DNAH8: variants seen among roughly 807,000 people sequenced by gnomAD.
DNAH8 encodes the protein axonemal beta dynein heavy chain 8.
Under a neutral mutation model 562.1 loss-of-function variants are expected in DNAH8, and 382 were observed. The ratio of observed to expected loss-of-function variants is 0.68; its 90% CI spans 0.63 to 0.74. The LOEUF (loss-of-function observed/expected upper bound fraction) is 0.74. Among genes scored for constraint, DNAH8 ranks in the 30% least tolerant of loss-of-function variants. DNAH8 has a pLI of 0.00. For missense variants in DNAH8, 5,203 were observed against 5,620.4 expected, an observed-to-expected ratio of 0.93 and a Z score of 2.37; for synonymous variants, 1,881 against 1,919.4, an observed-to-expected ratio of 0.98 and a Z score of 0.52.
In DNAH8 at chr6:38,850,207, A is replaced by G. The variant is rs112328866; in HGVS notation, c.5200-44A>G. On this transcript the variant is annotated intron_variant, in intron 37 of 92. Coordinates refer to ENST00000327475, the MANE Select transcript of DNAH8 (RefSeq NM_001206927.2). Reference sequence around the variant, plus strand: ...AAGGTGAAGACTTTGCTTTTTTTCAATTATCCAAATGCTAATCTTTACTGG... The same window carrying G: ...AAGGTGAAGACTTTGCTTTTTTTCAGTTATCCAAATGCTAATCTTTACTGG... 0.014 allele frequency: 21,966 copies of G among 1,576,490 alleles called. 212 individuals are homozygous for G. Among genetic ancestry groups the G allele is most frequent in the Middle Eastern group, 0.024 (140 of 5,840 alleles).
intron 1 of DNAH8, among the ~76,000 whole-genome samples, chr6:38,718,426 T>A (rs2127559333): frequency 6.6e-6 from 1 of 152,260 alleles, no homozygotes; most frequent in Non-Finnish European, 1.5e-5. Flanking sequence ...ATTTAGAGTT[T>A]GTTACCTGCC....
At chr6:38,782,895 A>G in intron 16 of DNAH8, 109 bp from the exon 17 acceptor site, 1 of 1,033,024 alleles carries the variant, frequency 9.7e-7, no homozygotes, top group Non-Finnish European at 1.4e-6. Flanking sequence ...CAGAATCTAA[A>G]CTGGTAGCAT....
intron 52 of DNAH8, among the ~76,000 whole-genome samples, chr6:38,873,753 C>CACACACACAT (rs771017371): frequency 0.21 from 20,900 of 99,092 alleles, 1,759 homozygotes; most frequent in South Asian, 0.3. Context: ...CACACACACA[C>CACACACACAT]ACACACACAC....
chr6:39,013,844 C>T (rs1766386788), intron 91 of DNAH8, among the ~76,000 whole-genome samples: 1 of 150,856 alleles, frequency 6.6e-6, no homozygotes, highest in Non-Finnish European at 1.5e-5. Context: ...GAGTGAGACC[C>T]TATCTAAAAA....
rs145697663 is a variant in DNAH8 at position 38,875,751 on chromosome 6, A to T, written c.7781A>T (p.His2594Leu). ...AAGCTTGAAGCCTTCTTACGGCAGC[A>T]TGAAAGCAAGTTGGACTTACCAGAA... ...REKLEAFLRQ[H>L]ESKLDLPEIP... Residue 2594 changes from histidine to leucine, a missense_variant, in exon 53 of 93, where the codon CAT becomes CTT. His to Leu is a moderately conservative substitution (Grantham distance 99). Transcript: ENST00000327475. 4 of 1,613,930 alleles carry T rather than the reference A, an allele frequency of 2.5e-6. No individual in the cohort carries two copies. Among genetic ancestry groups the T allele is most frequent in the Non-Finnish European group, 3.4e-6 (4 of 1,179,962 alleles).
chr6:39,004,523 T>C (rs1765681498), intron 88 of DNAH8, among the ~76,000 whole-genome samples: 1 of 152,238 alleles, frequency 6.6e-6, no homozygotes, highest in African/African-American at 2.4e-5. Flanking sequence ...AAATGCCTTA[T>C]TTTGCCTTCC....
At chr6:39,005,434 G>A (rs1161159960) in intron 88 of DNAH8, among the ~76,000 whole-genome samples, 1 of 152,060 alleles carries the variant, frequency 6.6e-6, no homozygotes, top group Non-Finnish European at 1.5e-5. Flanking sequence ...CAAAGTGACT[G>A]CACCATTTTA....
intron 82 of DNAH8, among the ~76,000 whole-genome samples, chr6:38,971,126 A>T (rs898314001): frequency 1.3e-5 from 2 of 152,240 alleles, no homozygotes; most frequent in Non-Finnish European, 2.9e-5. Context: ...GCAGACAGAA[A>T]ACACTGTGAG....
intron 13 of DNAH8, among the ~76,000 whole-genome samples, chr6:38,777,455 A>G (rs1009075322): frequency 6.6e-6 from 1 of 152,070 alleles, no homozygotes; most frequent in Non-Finnish European, 1.5e-5. Flanking sequence ...TCGTTTTCCA[A>G]TGTTTGATTT....
intron 26 of DNAH8, among the ~76,000 whole-genome samples, chr6:38,817,903 T>A (rs1481757555): frequency 2.0e-5 from 3 of 152,296 alleles, no homozygotes; most frequent in African/African-American, 7.2e-5. Context: ...TCTCAAATGT[T>A]GAAATCCCAA....
At chr6:39,010,818 C>CGTATGTATGTATGT (rs70984104) in intron 89 of DNAH8, among the ~76,000 whole-genome samples, 1 of 107,548 alleles carries the variant, frequency 9.3e-6, no homozygotes, top group South Asian at 3.2e-4. Flanking sequence ...CACACACACA[C>CGTATGTATGTATGT]ACGTATGTAT....
At position 38,815,788 on chromosome 6, in the gene DNAH8, C is replaced by G. The variant is rs776844890; in HGVS notation, c.3523+131C>G. On this transcript the variant is annotated intron_variant, in intron 26 of 92. Coordinates refer to ENST00000327475, the MANE Select transcript of DNAH8 (RefSeq NM_001206927.2). ...ATAGTATGTTTCATCTTAAACATAA[C>G]GTGCAGGCATTTTTTCCTGGCTTTG... 7 of 858,068 alleles carry G rather than the reference C, an allele frequency of 8.2e-6. No individual in the cohort carries two copies. The East Asian group carries it at 8.4e-5, about 10-fold the overall frequency. The allele number at this position is 858,068 out of a possible 1,614,324, so 53.2% of individuals were successfully genotyped here. A position where few individuals can be genotyped will look rare whatever the true frequency, so the allele number is the denominator to read the frequency against.
chr6:38,835,924 AGAGGAAGATCAAACT>A (rs1374511411), intron 32 of DNAH8, among the ~76,000 whole-genome samples: 1 of 152,106 alleles, frequency 6.6e-6, no homozygotes, highest in Non-Finnish European at 1.5e-5. Context: ...TGGTTTGGAG[AGAGGAAGATCAAACT>A]GAGGGCAGTT....
At position 38,906,185 on chromosome 6, in the gene DNAH8, G is replaced by A. The variant is rs550919104; in HGVS notation, c.9195-69G>A. On this transcript the variant is annotated intron_variant, in intron 62 of 92. Transcript: ENST00000327475. The stretch of plus-strand genomic sequence containing the variant: ...GCCTCCCAAAGTGCTGGGATTACAG[G>A]TGTGAGCCACCGCGCCCAGCCGACT... The A allele has an allele frequency of 3.4e-5, 35 of 1,034,608 alleles. No individual in the cohort carries two copies. In the East Asian group the frequency reaches 8.4e-4, roughly 25 times the overall value. 64.1% of individuals were successfully genotyped at this position (1,034,608 alleles called of 1,614,324 possible).
chr6:38,976,818 G>A (rs1763710567), intron 85 of DNAH8, among the ~76,000 whole-genome samples: 1 of 152,164 alleles, frequency 6.6e-6, no homozygotes, highest in Non-Finnish European at 1.5e-5. Context: ...GGTATCCGTT[G>A]CTTTAAACAA....
chr6:38,744,787 A>G (rs1322660410), intron 8 of DNAH8, among the ~76,000 whole-genome samples: 2 of 151,958 alleles, frequency 1.3e-5, no homozygotes, highest in Admixed American at 6.6e-5. Context: ...TTATAGAGAT[A>G]GGATCTTACT....
intron 53 of DNAH8, among the ~76,000 whole-genome samples, chr6:38,879,106 A>T (rs572980082): frequency 6.6e-6 from 1 of 152,268 alleles, no homozygotes; most frequent in South Asian, 2.1e-4. Context: ...ACCTTCCCAC[A>T]AAGAAAAACA....
chr6:38,951,463 T>A lies in DNAH8; in HGVS notation c.12394T>A (p.Ser4132Thr). 1 of 1,614,142 alleles carries A rather than the reference T, an allele frequency of 6.2e-7. No individual in the cohort carries two copies. The highest frequency in any genetic ancestry group is 8.5e-7 in the Non-Finnish European group (1 of 1,180,028). ...CCGGACACCTCTGATATGCTTCCTGTCCATGGGATCTGACCCCACCAATCA... is the reference window on the plus strand; with the variant it reads ...CCGGACACCTCTGATATGCTTCCTGACCATGGGATCTGACCCCACCAATCA... ...DTRTPLICFL[S>T]MGSDPTNQID... Residue 4132 changes from serine to threonine, a missense_variant, in exon 82 of 93, where the codon TCC (serine) becomes ACC (threonine). Around this residue, in one of 6 missense-constraint regions of DNAH8, gnomAD observed 1,399 missense variants for 1,518.4 expected, o/e 0.92. Transcript: ENST00000327475.
intron 58 of DNAH8, among the ~76,000 whole-genome samples, chr6:38,892,073 C>T (rs1178815907): frequency 6.6e-6 from 1 of 152,102 alleles, no homozygotes; most frequent in African/African-American, 2.4e-5. Context: ...TTCAGAGGGT[C>T]CCCATAGTCT....
Sources: allele counts gnomAD v4.1 joint callset (sites outside exome capture counted in the v4.1 genomes callset), GRCh38; gene constraint gnomAD v4.1.1; regional missense constraint gnomAD v4.1.1; transcripts MANE v1.5; gene names NCBI Gene and HGNC (gene_info 2026-07-23, HGNC 2026-07-21).